Variants in H6PD observed in about 807,000 individuals in gnomAD.
H6PD encodes the protein hexose-6-phosphate dehydrogenase/glucose 1-dehydrogenase, also known as GDH/6PGL endoplasmic bifunctional protein.
Under a neutral mutation model 61.2 loss-of-function variants are expected in H6PD, and 48 were observed. That is an observed-to-expected ratio of 0.78 (90% CI 0.62 to 1.00). H6PD has a LOEUF of 1.00. Among genes scored for constraint, H6PD ranks in the 50% least tolerant of loss-of-function variants. The pLI is 0.00. For synonymous variants in H6PD, 480 were observed against 457.9 expected (o/e 1.05, Z -0.62); for missense variants, 1,093 against 1,065.0 (o/e 1.03, Z -0.37).
chr1:9,236,897 T>A (rs1032744477), intron 1 of H6PD, among the ~76,000 whole-genome samples: 1 of 152,192 alleles, frequency 6.6e-6, no homozygotes, highest in African/African-American at 2.4e-5. Flanking sequence ...CTTGAAGGTC[T>A]TCCACGTTTC....
intron 3 of H6PD, among the ~76,000 whole-genome samples, chr1:9,260,639 G>A (rs1570117914): frequency 6.6e-6 from 1 of 151,890 alleles, no homozygotes; most frequent in Non-Finnish European, 1.5e-5. Flanking sequence ...ATGTTGTTAT[G>A]TTGCTGTTGT....
chr1:9,262,034 C>T (rs1215976098), intron 3 of H6PD, 25 bp from the exon 4 acceptor site: 2 of 1,613,684 alleles, frequency 1.2e-6, no homozygotes, highest in South Asian at 1.1e-5. Flanking sequence ...TAGATCCTCC[C>T]CACTTCTCCA....
At chr1:9,260,080 T>C (rs1055633557) in intron 3 of H6PD, among the ~76,000 whole-genome samples, 1 of 152,016 alleles carries the variant, frequency 6.6e-6, no homozygotes, top group Admixed American at 6.5e-5. Flanking sequence ...TGTTGTTACG[T>C]TGCTGTTGTT....
chr1:9,260,250 C>T (rs555942899), intron 3 of H6PD, among the ~76,000 whole-genome samples: 2 of 148,518 alleles, frequency 1.3e-5, no homozygotes, highest in East Asian at 2.0e-4. Flanking sequence ...TATGTCGTTA[C>T]ACCAGTGCTG....
chr1:9,257,520 G>A (rs147043845), intron 3 of H6PD, among the ~76,000 whole-genome samples: 25 of 152,286 alleles, frequency 1.6e-4, no homozygotes, highest in Middle Eastern at 3.4e-3. Context: ...AGGTTTATCC[G>A]TGACAATGTG....
intron 3 of H6PD, among the ~76,000 whole-genome samples, chr1:9,255,321 G>A (rs888336136): frequency 4.6e-5 from 7 of 151,418 alleles, no homozygotes; most frequent in Middle Eastern, 3.4e-3. Context: ...TTTATCTGTC[G>A]CCCTGGCTGG....
At position 9,268,785 on chromosome 1, in the gene H6PD, G is replaced by T. The variant is rs1419144165; in HGVS notation, c.*3916G>T. The T allele has an allele frequency of 6.6e-6, 1 of 152,138 alleles. No homozygotes were observed. Among genetic ancestry groups the T allele is most frequent in the Non-Finnish European group, 1.5e-5 (1 of 68,042 alleles). 9.4% of individuals were successfully genotyped at this position (152,138 alleles called of 1,614,324 possible). On this transcript the variant is annotated 3_prime_UTR_variant, in exon 5 of 5. Transcript: ENST00000377403. ...CCCTTCCAAAATATGCAGGGCTCAGGCTCCCAATTCCGGGCCTGTCTGCTT... is the reference window on the plus strand; with the variant it reads ...CCCTTCCAAAATATGCAGGGCTCAGTCTCCCAATTCCGGGCCTGTCTGCTT...
chr1:9,257,926 A>G (rs1378151780), intron 3 of H6PD, among the ~76,000 whole-genome samples: 1 of 152,244 alleles, frequency 6.6e-6, no homozygotes, highest in African/African-American at 2.4e-5. Context: ...GATCTCTGGG[A>G]CTGTCCTGTA....
chr1:9,264,290 C>G lies in H6PD; in HGVS notation c.1797C>G (p.Phe599Leu), dbSNP rs749388425. ...LSGGSSPVALFQQLATAHYGF... is the reference protein window; with the variant it reads ...LSGGSSPVALLQQLATAHYGF... Reference sequence around the variant, plus strand: ...GGGGCTCGAGCCCCGTGGCCCTGTTCCAGCAGCTGGCCACGGCGCACTATG... The same window carrying G: ...GGGGCTCGAGCCCCGTGGCCCTGTTGCAGCAGCTGGCCACGGCGCACTATG... Residue 599 changes from phenylalanine (F) to leucine (L), a missense_variant, in exon 5 of 5, where the codon TTC becomes TTG. By Grantham distance (22) the Phe-to-Leu change is conservative (BLOSUM62 0). Coordinates refer to ENST00000377403, the MANE Select transcript of H6PD (RefSeq NM_004285.4). The G allele has an allele frequency of 1.2e-5, 20 of 1,610,790 alleles. No homozygotes were observed. Among genetic ancestry groups the G allele is most frequent in the Non-Finnish European group, 1.5e-5 (18 of 1,179,622 alleles).
chr1:9,245,949 CTT>C lies in H6PD; in HGVS notation c.627+401_627+402del, dbSNP rs764711857. Among the ~76,000 whole-genome samples, 125 of 142,642 alleles carry C rather than the reference CTT, an allele frequency of 8.8e-4. No individual in the cohort carries two copies. The highest frequency in any genetic ancestry group is 2.7e-3 in the African/African-American group (107 of 39,086). 93.6% of individuals were successfully genotyped at this position (142,642 alleles called of 152,430 possible). On this transcript the variant is annotated intron_variant, in intron 2 of 4. Transcript: ENST00000377403. This position sits in a 1 kb window ranked among gnomAD's most constrained non-coding sequence, Gnocchi z 4.8. ...GCTCTCTTCTCCTGCACCCATCCAC[CTT>C]TTTTTTTTTTTTAGACAGAGTCTGC...
chr1:9,240,245 A>T (rs1640957681), intron 1 of H6PD, among the ~76,000 whole-genome samples: 1 of 152,158 alleles, frequency 6.6e-6, no homozygotes, highest in African/African-American at 2.4e-5. Flanking sequence ...ATGAAATTGC[A>T]TCCTCCACAC....
rs557662266 is a variant in H6PD at position 9,270,958 on chromosome 1, T to G, written c.*6089T>G. The stretch of plus-strand genomic sequence containing the variant: ...ATTCAGAACAAATGCTTTTTTTTTT[T>G]TGAGACAGAGTCTCGCTCTGACGCC... On this transcript the variant is annotated 3_prime_UTR_variant, in exon 5 of 5. Transcript: ENST00000377403. The G allele has an allele frequency of 6.6e-6, 1 of 151,434 alleles. No homozygotes were observed. The highest frequency in any genetic ancestry group is 2.1e-4 in the South Asian group (1 of 4,768). 9.4% of individuals were successfully genotyped at this position (151,434 alleles called of 1,614,324 possible).
At chr1:9,237,824 C>T (rs1443293106) in intron 1 of H6PD, among the ~76,000 whole-genome samples, 1 of 152,124 alleles carries the variant, frequency 6.6e-6, no homozygotes, top group Non-Finnish European at 1.5e-5. Flanking sequence ...GACAGTGGTC[C>T]TGTGCAAATG....
chr1:9,259,055 G>A (rs929228811), intron 3 of H6PD, among the ~76,000 whole-genome samples: 14 of 152,136 alleles, frequency 9.2e-5, no homozygotes, highest in Admixed American at 3.3e-4. Flanking sequence ...GTAGTGGTGC[G>A]ATCTCAGCTC....
intron 1 of H6PD, among the ~76,000 whole-genome samples, chr1:9,241,505 G>C (rs377250695): frequency 6.6e-6 from 1 of 152,170 alleles, no homozygotes; most frequent in African/African-American, 2.4e-5. Context: ...TCGGGCTCAA[G>C]CAGTCCTCAG....
Position 9,268,424 on chromosome 1 carries a change from A to G in H6PD, c.*3555A>G, listed in dbSNP as rs1017892025. 1.3e-5 allele frequency: 2 copies of G among 152,152 alleles called. No homozygotes were observed. Among genetic ancestry groups the G allele is most frequent in the African/African-American group, 2.4e-5 (1 of 41,422 alleles). The allele number at this position is 152,152 out of a possible 1,614,324, so 9.4% of individuals were successfully genotyped here. On this transcript the variant is annotated 3_prime_UTR_variant, in exon 5 of 5. Coordinates refer to ENST00000377403, the MANE Select transcript of H6PD (RefSeq NM_004285.4). ...CAGTCCAGGTTCCCTGGTGGGGACC[A>G]ATGATTCCATCCGCATGGAAGCCCA...
intron 3 of H6PD, among the ~76,000 whole-genome samples, chr1:9,251,414 T>A (rs1035640354): frequency 4.6e-5 from 7 of 151,092 alleles, no homozygotes; most frequent in African/African-American, 1.7e-4. Context: ...TGCCCTAGTT[T>A]CCCCTCTGTG....
chr1:9,250,566 C>T (rs554264925), intron 3 of H6PD, among the ~76,000 whole-genome samples: 39 of 152,192 alleles, frequency 2.6e-4, no homozygotes, highest in African/African-American at 8.9e-4. Flanking sequence ...CCCTCACTCC[C>T]TACCCTGTCC....
At position 9,264,160 on chromosome 1, in the gene H6PD, T is replaced by C; in HGVS notation, c.1667T>C (p.Val556Ala). The C allele has an allele frequency of 6.2e-7, 1 of 1,612,910 alleles. No individual in the cohort carries two copies. Among genetic ancestry groups the C allele is most frequent in the Non-Finnish European group, 8.5e-7 (1 of 1,179,406 alleles). The change falls in exon 5 of 5, where the codon GTC becomes GCC. Residue 556 changes from valine to alanine, a missense_variant. Coordinates refer to ENST00000377403, the MANE Select transcript of H6PD (RefSeq NM_004285.4). ...LRAKYRESPL[V>A]SAWSEELISK... is the part of the protein sequence containing the mutation. ...GCCAAGTACCGAGAGAGCCCGCTGG[T>C]CTCCGCCTGGTCCGAGGAGCTGATC...
Sources: allele counts gnomAD v4.1 joint callset (sites outside exome capture counted in the v4.1 genomes callset), GRCh38; gene constraint gnomAD v4.1.1; non-coding constraint Gnocchi (gnomAD v3.1); transcripts MANE v1.5; gene names NCBI Gene and HGNC (gene_info 2026-07-23, HGNC 2026-07-21).